The following ZNF516 variants were observed in gnomAD, a reference collection of about 807,000 sequenced individuals.
ZNF516 encodes zinc finger protein 516.
A neutral mutation model predicts 79.7 loss-of-function variants in ZNF516; 19 were observed. That is an observed-to-expected ratio of 0.24 (90% CI 0.17 to 0.35). The LOEUF is 0.35. Among genes scored for constraint, ZNF516 ranks in the 10% least tolerant of loss-of-function variants. The probability of loss-of-function intolerance (pLI) is 1.00; values close to 1 mark genes in which losing one functional copy is unlikely to be tolerated. For missense variants in ZNF516, 1,678 were observed against 1,679.5 expected (o/e 1.00, Z 0.02); for synonymous variants, 877 against 739.5 (o/e 1.19, Z -3.02).
chr18:76,426,805 G>A (rs1204681189), intron 3 of ZNF516, among the ~76,000 whole-genome samples: 1 of 152,218 alleles, frequency 6.6e-6, no homozygotes, highest in Non-Finnish European at 1.5e-5. Flanking sequence ...AAAAGCTAGG[G>A]AGCACCGGCA....
chr18:76,384,468 C>T (rs1266843050), intron 3 of ZNF516, among the ~76,000 whole-genome samples: 2 of 122,924 alleles, frequency 1.6e-5, no homozygotes, highest in African/African-American at 3.2e-5. Context: ...GCCCCCACCA[C>T]GACCCGCACA....
At chr18:76,367,648 C>G (rs1291464343) in intron 6 of ZNF516, among the ~76,000 whole-genome samples, 2 of 152,152 alleles carry the variant, frequency 1.3e-5, no homozygotes, top group Non-Finnish European at 2.9e-5. Flanking sequence ...CCAAGCGCCT[C>G]CAGCCTCAAT....
chr18:76,373,766 T>C (rs2074745193), intron 4 of ZNF516, among the ~76,000 whole-genome samples: 1 of 152,226 alleles, frequency 6.6e-6, no homozygotes, highest in South Asian at 2.1e-4. Flanking sequence ...CACACACATA[T>C]GAGTTTCCCA....
intron 4 of ZNF516, 49 bp from the exon 5 acceptor site, chr18:76,371,620 T>C (rs767985675): frequency 1.4e-4 from 213 of 1,524,860 alleles, no homozygotes; most frequent in Non-Finnish European, 1.8e-4. Flanking sequence ...GGGGTTGGCG[T>C]GGAGGTGAGG....
At chr18:76,371,677 T>A in intron 4 of ZNF516, 106 bp from the exon 5 acceptor site, 3 of 841,006 alleles carry the variant, frequency 3.6e-6, no homozygotes, top group Non-Finnish European at 3.8e-6. Flanking sequence ...CATTAGTCTG[T>A]CTAATGTGTC....
chr18:76,460,032 G>A (rs556897746), intron 2 of ZNF516, among the ~76,000 whole-genome samples: 21 of 152,310 alleles, frequency 1.4e-4, no homozygotes, highest in African/African-American at 5.1e-4. Flanking sequence ...TAACAAATGG[G>A]AAGAATGCCC....
At chr18:76,439,353 C>A (rs2075784726) in intron 3 of ZNF516, among the ~76,000 whole-genome samples, 1 of 152,196 alleles carries the variant, frequency 6.6e-6, no homozygotes. Context: ...ACCTACAGGG[C>A]TCTTCCATGT....
intron 3 of ZNF516, among the ~76,000 whole-genome samples, chr18:76,435,242 T>C (rs1165364818): frequency 6.6e-6 from 1 of 152,220 alleles, no homozygotes; most frequent in East Asian, 1.9e-4. Flanking sequence ...TATTTCTCAG[T>C]GGCGGGAAGA....
rs1912350284 is a variant in ZNF516, at chr18:76,450,638, T to G, written c.-157-7427A>C. 2.0e-5 allele frequency among the ~76,000 whole-genome samples: 3 copies of G among 152,170 alleles called. 1 individual carries two copies. In the South Asian group the frequency reaches 6.2e-4, roughly 32 times the overall value. ...ACATCAGCCAAAATTCAGTGTATTCTGGCATTCTGAGTGTATTCTGGCATT... is the reference window on the plus strand; with the variant it reads ...ACATCAGCCAAAATTCAGTGTATTCGGGCATTCTGAGTGTATTCTGGCATT... On this transcript the variant is annotated intron_variant, in intron 2 of 6. Coordinates refer to ENST00000443185, the MANE Select transcript of ZNF516 (RefSeq NM_014643.4).
chr18:76,424,038 G>T (rs1176475849), intron 3 of ZNF516, among the ~76,000 whole-genome samples: 4 of 111,578 alleles, frequency 3.6e-5, no homozygotes, highest in African/African-American at 1.5e-4. Flanking sequence ...AGGTGAAAGG[G>T]TCCCCCCCGA....
In ZNF516 at chr18:76,379,044, C is replaced by T. The variant is rs767412118; in HGVS notation, c.3070G>A (p.Ala1024Thr). Residue 1024 changes from alanine to threonine, a missense_variant, in exon 4 of 7, where the codon GCG becomes ACG. Ala to Thr is a moderately conservative substitution (Grantham distance 58). Transcript: ENST00000443185. ...ATCAAGSRGD[A>T]ALQAQPGVAG... is the part of the protein sequence containing the mutation. Reference sequence around the variant, plus strand: ...ACGCCGGGCTGGGCCTGCAAGGCCGCGTCGCCCCTGGACCCCGCAGCACAG... The same window carrying T: ...ACGCCGGGCTGGGCCTGCAAGGCCGTGTCGCCCCTGGACCCCGCAGCACAG... 9 of 1,610,606 alleles carry T rather than the reference C, an allele frequency of 5.6e-6. No individual in the cohort carries two copies. The highest frequency in any genetic ancestry group is 5.3e-5 in the African/African-American group (4 of 74,900).
intron 3 of ZNF516, among the ~76,000 whole-genome samples, chr18:76,440,595 A>G (rs2075801248): frequency 6.6e-6 from 1 of 152,256 alleles, no homozygotes; most frequent in Non-Finnish European, 1.5e-5. Flanking sequence ...AAATATTTAC[A>G]TGGCTATGTG....
At chr18:76,402,934 G>C (rs2075251293) in intron 3 of ZNF516, among the ~76,000 whole-genome samples, 1 of 152,354 alleles carries the variant, frequency 6.6e-6, no homozygotes, top group Admixed American at 6.5e-5. Context: ...TTGTGCCACA[G>C]AGTCGAAGCT....
At chr18:76,436,577 G>C (rs888559395) in intron 3 of ZNF516, among the ~76,000 whole-genome samples, 2 of 152,140 alleles carry the variant, frequency 1.3e-5, no homozygotes, top group African/African-American at 4.8e-5. Context: ...GGATTCAGCT[G>C]CAAGGTCAGT....
chr18:76,382,295 G>A (rs1460543581), intron 3 of ZNF516, among the ~76,000 whole-genome samples: 1 of 152,186 alleles, frequency 6.6e-6, no homozygotes, highest in Non-Finnish European at 1.5e-5. Flanking sequence ...GTATATGAAA[G>A]AGGAAACGTT....
At chr18:76,405,673 A>C (rs1382289099) in intron 3 of ZNF516, among the ~76,000 whole-genome samples, 5 of 151,844 alleles carry the variant, frequency 3.3e-5, no homozygotes, top group African/African-American at 1.2e-4. Flanking sequence ...CCCTTCAGAG[A>C]CATCCACGGT....
chr18:76,429,839 G>A (rs760619117), intron 3 of ZNF516, among the ~76,000 whole-genome samples: 9 of 152,186 alleles, frequency 5.9e-5, no homozygotes, highest in Non-Finnish European at 1.0e-4. Context: ...GCCAGACACC[G>A]CACGGCTACC....
At chr18:76,495,845 C>A, upstream of ZNF516, 1 of 756,432 alleles carries the variant, frequency 1.3e-6, no homozygotes, top group Non-Finnish European at 1.7e-6. Flanking sequence ...CTGGTAAATG[C>A]CTCTGGGGGT....
In ZNF516 at chr18:76,396,827, C is replaced by T. The variant is rs111765524; in HGVS notation, c.1811-16524G>A. 1.9e-3 allele frequency among the ~76,000 whole-genome samples: 285 copies of T among 152,166 alleles called. 1 individual carries two copies. The highest frequency in any genetic ancestry group is 6.6e-3 in the African/African-American group (273 of 41,498). ...GAGAGGCCGGAGCACCGCTGTCAGA[C>T]GATGTTTTTGGATATGATGTAGAAA... On this transcript the variant is annotated intron_variant, in intron 3 of 6. Transcript: ENST00000443185.
Sources: gnomAD v4.1 joint callset for allele counts (sites outside exome capture counted in the v4.1 genomes callset) on GRCh38, gnomAD v4.1.1 for gene constraint, MANE v1.5 for transcripts, NCBI Gene and HGNC (gene_info 2026-07-23, HGNC 2026-07-21) for gene names.